The following MEGF11 variants were observed in gnomAD, a reference collection of about 807,000 sequenced individuals.
The protein encoded by MEGF11 is multiple EGF like domains 11, also known as multiple epidermal growth factor-like domains protein 11.
Under a neutral mutation model 146.6 loss-of-function variants are expected in MEGF11, and 126 were observed. That is an observed-to-expected ratio of 0.86 (90% CI 0.74 to 1.00). The LOEUF (loss-of-function observed/expected upper bound fraction) is 1.00. Among genes scored for constraint, MEGF11 ranks in the 50% least tolerant of loss-of-function variants. The pLI, the probability that MEGF11 is intolerant of heterozygous loss-of-function variation, is 0.00. For synonymous variants in MEGF11, 532 were observed against 583.4 expected (o/e 0.91, Z 1.27); for missense variants, 1,509 against 1,521.2 (o/e 0.99, Z 0.13).
intron 1 of MEGF11, among the ~76,000 whole-genome samples, chr15:66,137,799 C>T (rs1198501694): frequency 6.6e-6 from 1 of 152,082 alleles, no homozygotes; most frequent in Admixed American, 6.5e-5. Context: ...CCTCCAGCCT[C>T]AGCCTCCCAA....
At chr15:66,186,773 C>T (rs1022440002) in intron 1 of MEGF11, among the ~76,000 whole-genome samples, 32 of 152,238 alleles carry the variant, frequency 2.1e-4, no homozygotes, top group African/African-American at 6.8e-4. Flanking sequence ...CAGGTTTTCT[C>T]TCTGTCCTGT....
intron 5 of MEGF11, among the ~76,000 whole-genome samples, chr15:66,024,958 G>A (rs2083277401): frequency 6.6e-6 from 1 of 152,090 alleles, no homozygotes; most frequent in African/African-American, 2.4e-5. Flanking sequence ...GGGGGAGTGT[G>A]ACCCGCCCCT....
intron 5 of MEGF11, among the ~76,000 whole-genome samples, chr15:66,055,815 G>A (rs940660041): frequency 1.7e-4 from 26 of 152,218 alleles, no homozygotes; most frequent in African/African-American, 4.8e-4. Flanking sequence ...AACATGATTC[G>A]GGAGGCTCTG....
Position 65,916,286 on chromosome 15 carries a change from C to T in MEGF11, c.2216-10G>A, listed in dbSNP as rs2141221091. 2 of 1,551,332 alleles carry T rather than the reference C, an allele frequency of 1.3e-6. No individual in the cohort carries two copies. Among genetic ancestry groups the T allele is most frequent in the East Asian group, 4.9e-5 (2 of 41,192 alleles). Reference sequence around the variant, plus strand: ...AATGCTGCTGGGCAGCCTAGAGAAACAGGATTTCCAGTCACGAGAGTTGCT... The same window carrying T: ...AATGCTGCTGGGCAGCCTAGAGAAATAGGATTTCCAGTCACGAGAGTTGCT... On this transcript the variant is annotated splice_polypyrimidine_tract_variant and intron_variant, in intron 17 of 25. Transcript: ENST00000395614.
At chr15:65,914,078 G>A (rs1379080585) in intron 19 of MEGF11, 105 bp from the exon 20 acceptor site, 44 of 872,604 alleles carry the variant, frequency 5.0e-5, no homozygotes, top group Non-Finnish European at 6.4e-5. Flanking sequence ...TAGGAGATCT[G>A]GTTCTGGCTT....
At position 66,059,199 on chromosome 15, in the gene MEGF11, C is replaced by T. The variant is rs912417816; in HGVS notation, c.394+35203G>A. Among the ~76,000 whole-genome samples, 6 of 152,186 alleles carry T rather than the reference C, an allele frequency of 3.9e-5. No individual in the cohort carries two copies. In the East Asian group the frequency reaches 5.8e-4, roughly 15 times the overall value. On this transcript the variant is annotated intron_variant, in intron 5 of 25. Transcript: ENST00000395614. ...GGAGGGTGTGGCTTAGTGGCACAGC[C>T]GGGGAGAACCCAGCCCAGAGCTGTT...
At chr15:66,188,517 A>G (rs2090774566) in intron 1 of MEGF11, among the ~76,000 whole-genome samples, 1 of 152,164 alleles carries the variant, frequency 6.6e-6, no homozygotes, top group Non-Finnish European at 1.5e-5. Context: ...AGACCCTGCT[A>G]GACCTTCCCG....
intron 3 of MEGF11, among the ~76,000 whole-genome samples, chr15:66,119,858 C>T (rs2087933733): frequency 1.3e-5 from 2 of 152,166 alleles, no homozygotes; most frequent in Non-Finnish European, 1.5e-5. Flanking sequence ...GGTTCCAGAC[C>T]TTACGCTGAC....
intron 10 of MEGF11, among the ~76,000 whole-genome samples, chr15:65,950,584 GACACACACACACACACACACAC>G (rs57977250): frequency 3.4e-5 from 5 of 148,936 alleles, no homozygotes; most frequent in South Asian, 2.1e-4. Context: ...TAGACACACA[GACACACACACACACACACACAC>G]ACACACACAC....
intron 4 of MEGF11, among the ~76,000 whole-genome samples, chr15:66,104,218 A>G (rs184112928): frequency 1.2e-3 from 190 of 152,336 alleles, no homozygotes; most frequent in South Asian, 2.3e-3. Flanking sequence ...AAGCTTCGTT[A>G]TCTTGTCTGG....
intron 1 of MEGF11, among the ~76,000 whole-genome samples, chr15:66,224,885 C>T (rs1299882307): frequency 2.0e-5 from 3 of 151,938 alleles, no homozygotes; most frequent in Non-Finnish European, 4.4e-5. Flanking sequence ...GCATATTCAT[C>T]TCAATCAGCA....
intron 1 of MEGF11, among the ~76,000 whole-genome samples, chr15:66,187,825 A>C (rs2090752202): frequency 6.6e-6 from 1 of 152,238 alleles, no homozygotes. Context: ...AGCCGGCATC[A>C]TACCTATGGC....
intron 5 of MEGF11, among the ~76,000 whole-genome samples, chr15:66,078,414 C>T (rs926496351): frequency 5.3e-5 from 8 of 152,206 alleles, no homozygotes; most frequent in African/African-American, 1.9e-4. Context: ...ACTTCCCGGG[C>T]CTCGGCTCTC....
chr15:66,202,373 C>T (rs923484683), intron 1 of MEGF11, among the ~76,000 whole-genome samples: 5 of 152,188 alleles, frequency 3.3e-5, no homozygotes, highest in East Asian at 1.9e-4. Flanking sequence ...CAATCACACC[C>T]GTGGTGAGCG....
chr15:65,959,587 C>T (rs1434905050), intron 9 of MEGF11, among the ~76,000 whole-genome samples: 2 of 152,172 alleles, frequency 1.3e-5, no homozygotes, highest in Non-Finnish European at 2.9e-5. Context: ...AGACTCTGGT[C>T]TCATAATTCC....
chr15:66,172,212 G>T (rs1351666467), intron 1 of MEGF11, among the ~76,000 whole-genome samples: 2 of 152,210 alleles, frequency 1.3e-5, no homozygotes, highest in African/African-American at 4.8e-5. Context: ...GGCAGGCAGG[G>T]GAGGCACTGT....
chr15:66,176,708 T>C (rs2090396738), intron 1 of MEGF11, among the ~76,000 whole-genome samples: 1 of 146,950 alleles, frequency 6.8e-6, no homozygotes, highest in Admixed American at 6.6e-5. Flanking sequence ...GCATTGCTGA[T>C]TTTTTCTTGC....
At chr15:66,173,953 G>A (rs894043521) in intron 1 of MEGF11, among the ~76,000 whole-genome samples, 5 of 152,156 alleles carry the variant, frequency 3.3e-5, no homozygotes, top group East Asian at 1.9e-4. Flanking sequence ...CAGAGGGGCC[G>A]ACCCTGCCTT....
intron 1 of MEGF11, among the ~76,000 whole-genome samples, chr15:66,236,643 G>A (rs1174894113): frequency 6.6e-6 from 1 of 152,140 alleles, no homozygotes; most frequent in East Asian, 1.9e-4. Context: ...CTGTGCTGGA[G>A]GGAAGAACAG....
Sources: allele counts gnomAD v4.1 joint callset (sites outside exome capture counted in the v4.1 genomes callset), GRCh38; gene constraint gnomAD v4.1.1; transcripts MANE v1.5; gene names NCBI Gene and HGNC (gene_info 2026-07-23, HGNC 2026-07-21).